FAM193A: variants seen among roughly 807,000 people sequenced by gnomAD.
The protein encoded by FAM193A is protein FAM193A.
In FAM193A, 22 loss-of-function variants were observed where a neutral mutation model predicts 126.5. That is an observed-to-expected ratio of 0.17 (90% confidence interval 0.12 to 0.25). The LOEUF is 0.25. FAM193A is among the 10% of genes least tolerant of loss of function. The probability of loss-of-function intolerance (pLI) is 1.00; values close to 1 mark genes in which losing one functional copy is unlikely to be tolerated. For missense variants in FAM193A, 1,675 were observed against 1,672.8 expected (o/e 1.00, Z -0.02); for synonymous variants, 761 against 646.8 (o/e 1.18, Z -2.68).
intron 2 of FAM193A, among the ~76,000 whole-genome samples, chr4:2,621,366 T>G (rs1742535654): frequency 6.6e-6 from 1 of 152,144 alleles, no homozygotes; most frequent in African/African-American, 2.4e-5. Flanking sequence ...AGGTGATCTT[T>G]TTGCTGAGGC....
At chr4:2,617,764 G>A (rs138316989) in intron 2 of FAM193A, among the ~76,000 whole-genome samples, 23 of 152,202 alleles carry the variant, frequency 1.5e-4, no homozygotes, top group African/African-American at 4.1e-4. Flanking sequence ...TAATGTAGTC[G>A]TGTGTTTTTC....
intron 5 of FAM193A, among the ~76,000 whole-genome samples, chr4:2,635,746 C>T (rs1366224304): frequency 2.0e-5 from 3 of 152,148 alleles, no homozygotes; most frequent in African/African-American, 7.2e-5. Flanking sequence ...CCATGTTGGC[C>T]AGGCTGGTCT....
At chr4:2,629,547 G>A (rs566821890) in intron 4 of FAM193A, among the ~76,000 whole-genome samples, 7 of 152,224 alleles carry the variant, frequency 4.6e-5, no homozygotes, top group African/African-American at 1.7e-4. Flanking sequence ...TTATAGCCTA[G>A]GTAATATGGC....
At chr4:2,692,230 CT>C (rs1203609888) in intron 15 of FAM193A, among the ~76,000 whole-genome samples, 1 of 152,204 alleles carries the variant, frequency 6.6e-6, no homozygotes, top group Non-Finnish European at 1.5e-5. Flanking sequence ...GAAAGCACCT[CT>C]TCACGGGGGA....
intron 1 of FAM193A, among the ~76,000 whole-genome samples, chr4:2,567,245 G>C (rs1271622916): frequency 2.1e-5 from 3 of 143,306 alleles, no homozygotes; most frequent in Non-Finnish European, 4.4e-5. Context: ...ACCACGCCCG[G>C]CCTGAGCCAC....
In FAM193A at chr4:2,699,446, C is replaced by CCACACA. The variant is rs78563573; in HGVS notation, c.3508-223_3508-218dup. Among the ~76,000 whole-genome samples, 21 of 103,532 alleles carry CCACACA rather than the reference C, an allele frequency of 2.0e-4. 1 individual carries two copies. Among genetic ancestry groups the CCACACA allele is most frequent in the Admixed American group, 1.6e-3 (14 of 8,530 alleles). 67.9% of individuals were successfully genotyped at this position (103,532 alleles called of 152,430 possible). ...TTTTTGTTAACTACCACCCCCCCCC[C>CCACACA]CACACACACACACACAAATAAGTAA... is the stretch of plus-strand genomic sequence containing the variant. On this transcript the variant is annotated intron_variant, in intron 18 of 20. Coordinates refer to ENST00000637812, the MANE Select transcript of FAM193A (RefSeq NM_001366318.2).
intron 1 of FAM193A, among the ~76,000 whole-genome samples, chr4:2,584,613 C>T (rs1005386799): frequency 6.6e-6 from 1 of 152,084 alleles, no homozygotes; most frequent in African/African-American, 2.4e-5. Context: ...ATTACAGTTT[C>T]CTTTCTTTTC....
At chr4:2,587,903 G>A (rs951825527) in intron 1 of FAM193A, among the ~76,000 whole-genome samples, 15 of 152,140 alleles carry the variant, frequency 9.9e-5, no homozygotes, top group African/African-American at 3.6e-4. Context: ...GAAAGAGAAA[G>A]TGATGATATG....
chr4:2,593,393 C>G (rs963058216), intron 1 of FAM193A, among the ~76,000 whole-genome samples: 1 of 152,216 alleles, frequency 6.6e-6, no homozygotes, highest in African/African-American at 2.4e-5. Context: ...CCACTGGGCT[C>G]CCCACAAGGT....
intron 13 of FAM193A, among the ~76,000 whole-genome samples, chr4:2,684,140 G>A (rs1051292594): frequency 2.0e-5 from 3 of 152,136 alleles, no homozygotes; most frequent in Non-Finnish European, 2.9e-5. Flanking sequence ...TTATCTCCAT[G>A]TTCCTGCAAC....
intron 2 of FAM193A, among the ~76,000 whole-genome samples, chr4:2,623,371 C>T (rs973933213): frequency 6.6e-6 from 1 of 152,148 alleles, no homozygotes; most frequent in Non-Finnish European, 1.5e-5. Context: ...AGGGTTTCAC[C>T]ATGTTGGCCA....
At chr4:2,614,813 T>C (rs1742086265) in intron 2 of FAM193A, among the ~76,000 whole-genome samples, 1 of 152,230 alleles carries the variant, frequency 6.6e-6, no homozygotes. Flanking sequence ...TCTTTGTTAG[T>C]GAACTGTGCT....
intron 12 of FAM193A, 35 bp from the exon 13 acceptor site, chr4:2,672,086 C>A: frequency 6.2e-7 from 1 of 1,603,362 alleles, no homozygotes; most frequent in Non-Finnish European, 8.5e-7. Context: ...TTTATTGTTT[C>A]ACTAAATAGG....
chr4:2,594,820 C>CTTTTTTTTTT lies in FAM193A; in HGVS notation c.256-1247_256-1238dup, dbSNP rs386399069. The stretch of plus-strand genomic sequence containing the variant: ...GTTTCTTTCTTTTTCTTTTCTTTTC[C>CTTTTTTTTTT]TTTTTTTTTTTTTTTTTTTTTTTTT... On this transcript the variant is annotated intron_variant, in intron 1 of 20. Coordinates refer to ENST00000637812, the MANE Select transcript of FAM193A (RefSeq NM_001366318.2). 1.6e-4 allele frequency among the ~76,000 whole-genome samples: 10 copies of CTTTTTTTTTT among 62,228 alleles called. 1 individual carries two copies. Among genetic ancestry groups the CTTTTTTTTTT allele is most frequent in the African/African-American group, 4.7e-4 (6 of 12,708 alleles). The allele number at this position is 62,228 out of a possible 152,430, so 40.8% of individuals were successfully genotyped here. A position where few individuals can be genotyped will look rare whatever the true frequency, so the allele number is the denominator to read the frequency against.
At chr4:2,690,066 G>C (rs1716191258) in intron 14 of FAM193A, among the ~76,000 whole-genome samples, 1 of 152,180 alleles carries the variant, frequency 6.6e-6, no homozygotes, top group Admixed American at 6.5e-5. Context: ...CGGTGCACAG[G>C]GGCAGGAAGA....
chr4:2,690,951 C>T lies in FAM193A; in HGVS notation c.2784C>T (p.Ser928=). 1.2e-6 allele frequency: 2 copies of T among 1,613,264 alleles called. No homozygotes were observed. The highest frequency in any genetic ancestry group is 2.2e-5 in the South Asian group (2 of 90,990). Residue 928 remains serine (S), a synonymous_variant, in exon 15 of 21, where the codon TCC becomes TCT. Transcript: ENST00000637812. The stretch of plus-strand genomic sequence containing the variant: ...GCAACAGCCAGTTCAGAGTGTCATC[C>T]AAGAGACCTCCTTCAGTAGGTAAGG... ...QSSNSQFRVS[S]KRPPSVGDVF...
At chr4:2,715,989 T>TA in intron 19 of FAM193A, 34 bp from the exon 20 acceptor site, 1 of 1,170,952 alleles carries the variant, frequency 8.5e-7, no homozygotes, top group Non-Finnish European at 1.3e-6. Flanking sequence ...CCTGCTGCTG[T>TA]AATTTGACTT....
chr4:2,561,151 C>T (rs1355323149), intron 1 of FAM193A, among the ~76,000 whole-genome samples: 3 of 152,182 alleles, frequency 2.0e-5, no homozygotes, highest in Admixed American at 6.5e-5. Context: ...CAAGTTCACA[C>T]TTAATATGTT....
At chr4:2,627,222 G>A (rs1002557443) in intron 4 of FAM193A, among the ~76,000 whole-genome samples, 2 of 148,008 alleles carry the variant, frequency 1.4e-5, no homozygotes, top group Admixed American at 6.9e-5. Context: ...GTCCAATGGC[G>A]TGATCTTGGC....
Sources: allele counts gnomAD v4.1 joint callset (sites outside exome capture counted in the v4.1 genomes callset), GRCh38; gene constraint gnomAD v4.1.1; transcripts MANE v1.5; gene names NCBI Gene and HGNC (gene_info 2026-07-23, HGNC 2026-07-21).